RORA: variants seen among roughly 807,000 people sequenced by gnomAD.
RORA encodes the protein RAR related orphan receptor A.
A neutral mutation model predicts 69.5 loss-of-function variants in RORA; 7 were observed. The ratio of observed to expected loss-of-function variants is 0.10; its 90% CI spans 0.06 to 0.19. The LOEUF (loss-of-function observed/expected upper bound fraction) is 0.19, where lower values mean the gene tolerates loss of function less well. Among genes scored for constraint, RORA ranks in the 10% least tolerant of loss-of-function variants. RORA has a pLI of 1.00. For missense variants in RORA, 457 were observed against 663.0 expected, an observed-to-expected ratio of 0.69 and a Z score of 3.41; for synonymous variants, 261 against 240.8, an observed-to-expected ratio of 1.08 and a Z score of -0.78.
intron 1 of RORA, among the ~76,000 whole-genome samples, chr15:60,901,231 G>GTGCGT (rs1020002814): frequency 6.6e-6 from 1 of 152,156 alleles, no homozygotes; most frequent in Non-Finnish European, 1.5e-5. Context: ...CAGTGCAGTG[G>GTGCGT]TGCGATCTCA....
At chr15:60,544,621 GT>G (rs1399892846) in intron 2 of RORA, among the ~76,000 whole-genome samples, 2 of 151,838 alleles carry the variant, frequency 1.3e-5, no homozygotes, top group South Asian at 2.1e-4. Context: ...AAAAATAAAA[GT>G]TTTTTTTCCC....
chr15:61,117,894 T>C (rs1404224508), intron 1 of RORA, among the ~76,000 whole-genome samples: 2 of 152,160 alleles, frequency 1.3e-5, no homozygotes, highest in East Asian at 1.9e-4. Context: ...CAGAAAAACA[T>C]ACAAAAGAAT....
intron 1 of RORA, among the ~76,000 whole-genome samples, chr15:60,969,257 T>C (rs1377928555): frequency 6.6e-6 from 1 of 152,244 alleles, no homozygotes; most frequent in Non-Finnish European, 1.5e-5. Context: ...TTTGAAATTA[T>C]GTAAATACTT....
chr15:61,228,584 C>T (rs763343618), intron 1 of RORA, among the ~76,000 whole-genome samples: 1 of 151,032 alleles, frequency 6.6e-6, no homozygotes, highest in African/African-American at 2.4e-5. Flanking sequence ...CTCGGGCAGC[C>T]AGGGCCGAAA....
At chr15:60,769,025 T>G (rs1309733998) in intron 1 of RORA, among the ~76,000 whole-genome samples, 1 of 152,176 alleles carries the variant, frequency 6.6e-6, no homozygotes, top group African/African-American at 2.4e-5. Context: ...GTCAACATCC[T>G]AATCAGGCAA....
At chr15:61,157,562 T>C (rs993547673) in intron 1 of RORA, among the ~76,000 whole-genome samples, 1 of 152,124 alleles carries the variant, frequency 6.6e-6, no homozygotes, top group Non-Finnish European at 1.5e-5. Context: ...ACTTACCCCA[T>C]TGTTCTCCAG....
intron 1 of RORA, among the ~76,000 whole-genome samples, chr15:60,980,752 C>T (rs1595859406): frequency 1.3e-5 from 2 of 151,918 alleles, no homozygotes; most frequent in East Asian, 3.9e-4. Flanking sequence ...AATAACTTTA[C>T]TACTTTCTTT....
At chr15:60,606,738 T>G (rs980576827) in intron 2 of RORA, among the ~76,000 whole-genome samples, 1 of 152,172 alleles carries the variant, frequency 6.6e-6, no homozygotes, top group Non-Finnish European at 1.5e-5. Flanking sequence ...CAAGTGGTTA[T>G]CTAAAGAAAT....
rs2067563279 is a variant in RORA, at chr15:60,561,621, T to G, written c.197-29770A>C. Among the ~76,000 whole-genome samples the G allele has an allele frequency of 1.3e-5, 2 of 152,168 alleles. 1 individual carries two copies. Among genetic ancestry groups the G allele is most frequent in the South Asian group, 4.1e-4 (2 of 4,830 alleles). On this transcript the variant is annotated intron_variant, in intron 2 of 10. Transcript: ENST00000335670. ...TTTTGGACCCCCTTCCATAATGTAATAGATTCTGAATTGCAAAATACCAAT... is the reference window on the plus strand; with the variant it reads ...TTTTGGACCCCCTTCCATAATGTAAGAGATTCTGAATTGCAAAATACCAAT...
intron 1 of RORA, among the ~76,000 whole-genome samples, chr15:60,800,395 C>T (rs1043905329): frequency 6.6e-6 from 1 of 152,176 alleles, no homozygotes; most frequent in South Asian, 2.1e-4. Flanking sequence ...GAAGGAAATG[C>T]CAGGAAGACT....
intron 1 of RORA, among the ~76,000 whole-genome samples, chr15:60,881,130 G>A (rs75721262): frequency 0.015 from 2,300 of 152,316 alleles, 30 homozygotes; most frequent in Non-Finnish European, 0.019. Flanking sequence ...ACTTCATCAT[G>A]ATCTTTGGAC....
chr15:61,216,471 C>G (rs148524901), intron 1 of RORA, among the ~76,000 whole-genome samples: 1 of 147,616 alleles, frequency 6.8e-6, no homozygotes, highest in African/African-American at 2.5e-5. Context: ...GAATGGAACC[C>G]TTGCAGACAA....
chr15:60,688,257 A>C (rs1192752222), intron 1 of RORA, among the ~76,000 whole-genome samples: 2 of 152,140 alleles, frequency 1.3e-5, no homozygotes, highest in Non-Finnish European at 2.9e-5. Flanking sequence ...TTTGTCAAAA[A>C]AGGAAAAAAA....
At chr15:61,008,398 G>A (rs1329968657) in intron 1 of RORA, among the ~76,000 whole-genome samples, 1 of 152,038 alleles carries the variant, frequency 6.6e-6, no homozygotes, top group African/African-American at 2.4e-5. Flanking sequence ...CCATATTCCA[G>A]CTGCACCCAC....
intron 2 of RORA, among the ~76,000 whole-genome samples, chr15:60,591,833 T>C (rs1413431033): frequency 6.6e-6 from 1 of 151,840 alleles, no homozygotes; most frequent in African/African-American, 2.4e-5. Context: ...CCTGCGGCAC[T>C]TGCCCGGCCG....
intron 1 of RORA, among the ~76,000 whole-genome samples, chr15:61,036,938 G>C (rs529624095): frequency 6.6e-6 from 1 of 151,904 alleles, no homozygotes; most frequent in Non-Finnish European, 1.5e-5. Context: ...TAGGTCTTGG[G>C]GTATCTTCAC....
chr15:60,917,716 T>C (rs1246757274), intron 1 of RORA, among the ~76,000 whole-genome samples: 1 of 152,266 alleles, frequency 6.6e-6, no homozygotes, highest in Non-Finnish European at 1.5e-5. Flanking sequence ...AGGCAAGGGC[T>C]GAGAATATAA....
chr15:61,010,533 T>G (rs138858315), intron 1 of RORA, among the ~76,000 whole-genome samples: 24 of 152,194 alleles, frequency 1.6e-4, no homozygotes, highest in Admixed American at 1.5e-3. Flanking sequence ...ATTGTATGAA[T>G]GCACAGGCAT....
chr15:60,930,077 A>G (rs1269355394), intron 1 of RORA, among the ~76,000 whole-genome samples: 1 of 152,148 alleles, frequency 6.6e-6, no homozygotes, highest in East Asian at 1.9e-4. Flanking sequence ...GGCTAGTGTG[A>G]GAGAGGAATG....
Sources: gnomAD v4.1 joint callset for allele counts (sites outside exome capture counted in the v4.1 genomes callset) on GRCh38, gnomAD v4.1.1 for gene constraint, MANE v1.5 for transcripts, NCBI Gene and HGNC (gene_info 2026-07-23, HGNC 2026-07-21) for gene names.